The following MRI1 variants were observed in gnomAD, a reference collection of about 807,000 sequenced individuals.
MRI1 encodes the protein methylthioribose-1-phosphate isomerase.
MRI1 carries 32 observed loss-of-function variants against 27.3 expected under a neutral mutation model. The observed-to-expected ratio is 1.17, with a 90% CI of 0.88 to 1.57. The LOEUF is 1.57. MRI1 is among the 40% of genes most tolerant of loss of function. The probability of loss-of-function intolerance (pLI) is 0.00; values close to 1 mark genes in which losing one functional copy is unlikely to be tolerated. For synonymous variants in MRI1, 216 were observed against 227.4 expected, an observed-to-expected ratio of 0.95 and a Z score of 0.45; for missense variants, 508 against 516.1, an observed-to-expected ratio of 0.98 and a Z score of 0.15.
rs1053448238 is a variant in MRI1, at chr19:13,772,551, G to A, written c.*270G>A. The A allele has an allele frequency of 4.5e-5, 13 of 289,262 alleles. No individual in the cohort carries two copies. Among genetic ancestry groups the A allele is most frequent in the Admixed American group, 3.0e-4 (6 of 19,796 alleles). 17.9% of individuals were successfully genotyped at this position (289,262 alleles called of 1,614,324 possible). On this transcript the variant is annotated 3_prime_UTR_variant, in exon 6 of 6. Transcript: ENST00000040663. ...ATTTATAAAATGTGGATAACAGGCC[G>A]GGCGCAGTGGCTCACACCTGTAATC...
In MRI1 at chr19:13,768,641, C is replaced by T. The variant is rs868770583; in HGVS notation, c.628C>T (p.Arg210Trp). The change falls in exon 4 of 6, where the codon CGG (arginine) becomes TGG (tryptophan). Residue 210 changes from arginine to tryptophan, a missense_variant. Around this residue, in one of 3 missense-constraint regions of MRI1, gnomAD observed 457 missense variants for 452.8 expected, o/e 1.01. Transcript: ENST00000040663. ...GACCCGGCCCTACAACCAGGGAGCC[C>T]GGCTGACGGCCTTTGAGCTGGTCTA... ...TETRPYNQGA[R>W]LTAFELVYEQ... 9.3e-6 allele frequency: 15 copies of T among 1,613,624 alleles called. No homozygotes were observed. The African/African-American group carries it at 1.5e-4, about 16-fold the overall frequency.
chr19:13,769,735 C>T (rs1303863208), intron 5 of MRI1, among the ~76,000 whole-genome samples: 2 of 151,784 alleles, frequency 1.3e-5, no homozygotes, highest in East Asian at 4.0e-4. Context: ...GCCTGGTCAA[C>T]ATAGTGAAAC....
chr19:13,765,090 G>A lies in MRI1; in HGVS notation c.352G>A (p.Glu118Lys), dbSNP rs200063247. Residue 118 changes from glutamate to lysine, a missense_variant, in exon 2 of 6, where the codon GAA becomes AAA. This residue lies in a region of MRI1 where 457 missense variants were observed against 452.8 expected (regional missense o/e 1.01). Coordinates refer to ENST00000040663, the MANE Select transcript of MRI1 (RefSeq NM_001031727.4). ...AREAEREGAT[E>K]EAVRERVICC... ...GGAGGCCGAACGGGAGGGCGCTACG[G>A]AAGAGGCGGTCCGGGAGAGGTACGG... 2.2e-3 allele frequency: 3,327 copies of A among 1,540,396 alleles called. 4 individuals are homozygous for A. Among genetic ancestry groups the A allele is most frequent in the Non-Finnish European group, 2.7e-3 (3,054 of 1,150,044 alleles).
chr19:13,768,715 C>T lies in MRI1; in HGVS notation c.702C>T (p.Ala234=). ...TLITDSMVAA[A]MAHRGVSAVV... ...TCACCGACAGCATGGTGGCTGCTGCCATGGCCCATAGGGGCGTGTCAGGTA... is the reference window on the plus strand; with the variant it reads ...TCACCGACAGCATGGTGGCTGCTGCTATGGCCCATAGGGGCGTGTCAGGTA... Residue 234 remains alanine, a synonymous_variant, in exon 4 of 6, where the codon GCC becomes GCT. Coordinates refer to ENST00000040663, the MANE Select transcript of MRI1 (RefSeq NM_001031727.4). The T allele has an allele frequency of 6.2e-7, 1 of 1,613,742 alleles. No individual in the cohort carries two copies. The highest frequency in any genetic ancestry group is 2.2e-5 in the East Asian group (1 of 44,880).
chr19:13,765,623 AC>A (rs1323589582), intron 2 of MRI1, among the ~76,000 whole-genome samples: 5 of 151,874 alleles, frequency 3.3e-5, no homozygotes, highest in Non-Finnish European at 7.4e-5. Context: ...GATCCAGCTC[AC>A]CCGCTGCTCT....
Position 13,764,936 on chromosome 19 carries a change from C to G in MRI1, c.198C>G (p.Gly66=). ...CLSLAVELQA[G]AGGPGLAALV... is the part of the protein sequence containing the mutation. ...GCCTCGCCGTGGAGCTGCAGGCGGG[C>G]GCCGGGGGACCGGGACTCGCCGCGC... The change falls in exon 2 of 6, where the codon GGC becomes GGG. Residue 66 remains glycine (G), a synonymous_variant. Transcript: ENST00000040663. 1 of 1,494,982 alleles carries G rather than the reference C, an allele frequency of 6.7e-7. No homozygotes were observed. The highest frequency in any genetic ancestry group is 8.9e-7 in the Non-Finnish European group (1 of 1,127,788). The allele number at this position is 1,494,982 out of a possible 1,614,324, so 92.6% of individuals were successfully genotyped here. A position where few individuals can be genotyped will look rare whatever the true frequency, so the allele number is the denominator to read the frequency against.
At chr19:13,767,718 G>A (rs1974168669) in intron 3 of MRI1, among the ~76,000 whole-genome samples, 1 of 151,872 alleles carries the variant, frequency 6.6e-6, no homozygotes, top group Non-Finnish European at 1.5e-5. Context: ...TGAGATGGGA[G>A]GATTGCTTTT....
chr19:13,767,861 C>CA (rs1974172572), intron 3 of MRI1, among the ~76,000 whole-genome samples: 1 of 61,084 alleles, frequency 1.6e-5, no homozygotes, highest in Admixed American at 2.3e-4. Context: ...TCTTTCTTTC[C>CA]TTTTTTTTTT....
Position 13,766,138 on chromosome 19 carries a change from G to A in MRI1, c.547+9G>A. The stretch of plus-strand genomic sequence containing the variant: ...CTATGGTACAGCCCTAGGTGAGAGG[G>A]CCTCCTCAGGGGGTAGGGGAGGGCC... On this transcript the variant is annotated intron_variant, in intron 3 of 5. Coordinates refer to ENST00000040663, the MANE Select transcript of MRI1 (RefSeq NM_001031727.4). 3 of 1,530,940 alleles carry A rather than the reference G, an allele frequency of 2.0e-6. No individual in the cohort carries two copies. Among genetic ancestry groups the A allele is most frequent in the Non-Finnish European group, 2.6e-6 (3 of 1,136,534 alleles). 94.8% of individuals were successfully genotyped at this position (1,530,940 alleles called of 1,614,324 possible).
chr19:13,772,751 C>G lies in MRI1; in HGVS notation c.*470C>G, dbSNP rs1022649488. 1.3e-5 allele frequency: 2 copies of G among 152,364 alleles called. No homozygotes were observed. The highest frequency in any genetic ancestry group is 4.8e-5 in the African/African-American group (2 of 41,418). 9.4% of individuals were successfully genotyped at this position (152,364 alleles called of 1,614,324 possible). ...GCTGAGGCAGGAGAATGGCGTGAAA[C>G]TGGGAGGCAGAGCTTGCAGTGAGCC... is the stretch of plus-strand genomic sequence containing the variant. On this transcript the variant is annotated 3_prime_UTR_variant, in exon 6 of 6. Transcript: ENST00000040663.
intron 5 of MRI1, 98 bp downstream of exon 5, chr19:13,769,146 G>A: frequency 1.0e-6 from 1 of 977,856 alleles, no homozygotes; most frequent in South Asian, 1.7e-5. Context: ...AACATACACA[G>A]CTCCTACAAG....
Position 13,772,452 on chromosome 19 carries a change from A to T in MRI1, c.*171A>T. 1.7e-6 allele frequency: 1 copy of T among 575,516 alleles called. No individual in the cohort carries two copies. The highest frequency in any genetic ancestry group is 3.0e-6 in the Non-Finnish European group (1 of 336,344). The allele number at this position is 575,516 out of a possible 1,614,324, so 35.7% of individuals were successfully genotyped here. A position where few individuals can be genotyped will look rare whatever the true frequency, so the allele number is the denominator to read the frequency against. On this transcript the variant is annotated 3_prime_UTR_variant, in exon 6 of 6. Transcript: ENST00000040663. ...CTAGAGCCAGGCTGCCCAGATTCAA[A>T]TCCTGACTCCGCCACTTTTCCCACT...
Position 13,773,631 on chromosome 19 carries a change from TAA to T in MRI1, c.*1364_*1365del, listed in dbSNP as rs59239281. On this transcript the variant is annotated 3_prime_UTR_variant, in exon 6 of 6. Coordinates refer to ENST00000040663, the MANE Select transcript of MRI1 (RefSeq NM_001031727.4). ...GCAACAGAGTGAGACCCCATCTCTT[TAA>T]AAAAAAAAAAAAATCCATGATGAAC... The T allele has an allele frequency of 0.11, 8,707 of 79,172 alleles. 839 individuals carry two copies. Among genetic ancestry groups the T allele is most frequent in the African/African-American group, 0.38 (8,239 of 21,602 alleles). 4.9% of individuals were successfully genotyped at this position (79,172 alleles called of 1,614,324 possible).
chr19:13,765,891 A>G (rs1974110705), intron 2 of MRI1, 63 bp from the exon 3 acceptor site: 1 of 1,516,720 alleles, frequency 6.6e-7, no homozygotes, highest in Non-Finnish European at 8.9e-7. Context: ...TTAGGCAGAG[A>G]GGAGGCGTTG....
rs764147076 is a variant in MRI1, at chr19:13,772,110, CT to C, written c.950-10del. 1.9e-6 allele frequency: 3 copies of C among 1,595,986 alleles called. No individual in the cohort carries two copies. In the Admixed American group the frequency reaches 5.2e-5, roughly 28 times the overall value. On this transcript the variant is annotated splice_polypyrimidine_tract_variant and intron_variant, in intron 5 of 5. Transcript: ENST00000040663. ...ATTCTTGCCTCCTTGCCTCCCCTCT[CT>C]CCCCTGCAGGGATTGGAGTTTGGAA...
Position 13,764,907 on chromosome 19 carries a change from C to G in MRI1, c.169C>G (p.Leu57Val), listed in dbSNP as rs1045649828. ...GAPAIALVGC[L>V]SLAVELQAGA... ...CCCGGCCATAGCCCTGGTGGGCTGTCTCAGCCTCGCCGTGGAGCTGCAGGC... is the reference window on the plus strand; with the variant it reads ...CCCGGCCATAGCCCTGGTGGGCTGTGTCAGCCTCGCCGTGGAGCTGCAGGC... Residue 57 changes from leucine (L) to valine (V), a missense_variant, in exon 2 of 6, where the codon CTC (leucine) becomes GTC (valine). Leu to Val is a conservative substitution (Grantham distance 32). Around this residue, in one of 3 missense-constraint regions of MRI1, gnomAD observed 457 missense variants for 452.8 expected, o/e 1.01. Transcript: ENST00000040663. 5 of 1,475,354 alleles carry G rather than the reference C, an allele frequency of 3.4e-6. No individual in the cohort carries two copies. The highest frequency in any genetic ancestry group is 2.2e-5 in the Admixed American group (1 of 45,468). The allele number at this position is 1,475,354 out of a possible 1,614,324, so 91.4% of individuals were successfully genotyped here.
chr19:13,764,881 C>T lies in MRI1; in HGVS notation c.143C>T (p.Ala48Val). 7.4e-7 allele frequency: 1 copy of T among 1,359,150 alleles called. No individual in the cohort carries two copies. The highest frequency in any genetic ancestry group is 1.8e-5 in the South Asian group (1 of 56,898). 84.2% of individuals were successfully genotyped at this position (1,359,150 alleles called of 1,614,324 possible). ...EAIRAMKVRGAPAIALVGCLS... is the reference protein window; with the variant it reads ...EAIRAMKVRGVPAIALVGCLS... ...ATCCCTGCCCCGCAGGTGCGGGGCG[C>T]CCCGGCCATAGCCCTGGTGGGCTGT... The change falls in exon 2 of 6, where the codon GCC becomes GTC. Residue 48 changes from alanine (A) to valine (V), a missense_variant. Transcript: ENST00000040663.
At chr19:13,768,254 G>A in intron 3 of MRI1, 1 of 719,796 alleles carries the variant, frequency 1.4e-6, no homozygotes, top group Non-Finnish European at 2.5e-6. Flanking sequence ...GTGTTAGAAG[G>A]TGATAAATGC....
intron 2 of MRI1, 135 bp from the exon 3 acceptor site, chr19:13,765,819 C>G (rs996818355): frequency 6.2e-6 from 6 of 973,252 alleles, no homozygotes; most frequent in East Asian, 2.6e-5. Context: ...TGGCCCTGGC[C>G]GAAGGGTCCA....
Sources: allele counts gnomAD v4.1 joint callset (sites outside exome capture counted in the v4.1 genomes callset), GRCh38; gene constraint gnomAD v4.1.1; regional missense constraint gnomAD v4.1.1; transcripts MANE v1.5; gene names NCBI Gene and HGNC (gene_info 2026-07-23, HGNC 2026-07-21).